Variants in COL5A2 observed in about 807,000 individuals in gnomAD.
COL5A2 encodes the protein collagen alpha-2(V) chain.
Under a neutral mutation model 208.2 loss-of-function variants are expected in COL5A2, and 23 were observed. The observed-to-expected ratio is 0.11, with a 90% CI of 0.08 to 0.16. The LOEUF (loss-of-function observed/expected upper bound fraction) is 0.16. Ranked by LOEUF, COL5A2 falls within the 10% of genes least tolerant of loss-of-function variation. The probability of loss-of-function intolerance (pLI) is 1.00; values close to 1 mark genes in which losing one functional copy is unlikely to be tolerated. For synonymous variants in COL5A2, 625 were observed against 628.5 expected (o/e 0.99, Z 0.08); for missense variants, 1,590 against 1,956.4 (o/e 0.81, Z 3.53).
At chr2:189,374,991 T>C in the COL5A2 span, among the ~76,000 whole-genome samples, 1 of 151,878 alleles carries the variant, frequency 6.6e-6, no homozygotes, top group Non-Finnish European at 1.5e-5. Context: ...CTGAACAAAA[T>C]GTTAAATCGA....
At chr2:189,046,170 T>C (rs1225966875) in intron 45 of COL5A2, among the ~76,000 whole-genome samples, 4 of 152,140 alleles carry the variant, frequency 2.6e-5, no homozygotes, top group Non-Finnish European at 5.9e-5. Flanking sequence ...CATTGGAGTA[T>C]AGGAGTGATC....
chr2:189,384,811 A>T, the COL5A2 span, among the ~76,000 whole-genome samples: 2 of 152,132 alleles, frequency 1.3e-5, no homozygotes, highest in Non-Finnish European at 2.9e-5. Context: ...CTTACTCAAG[A>T]AATCGTTGCA....
chr2:189,408,488 T>G, the COL5A2 span, among the ~76,000 whole-genome samples: 1 of 152,126 alleles, frequency 6.6e-6, no homozygotes, highest in South Asian at 2.1e-4. Context: ...TTAATACTGG[T>G]CTGAAGACCA....
chr2:189,184,974 T>C (rs938148636), intron 1 of COL5A2, among the ~76,000 whole-genome samples: 3 of 152,136 alleles, frequency 2.0e-5, no homozygotes, highest in African/African-American at 7.2e-5. Context: ...CTAAATGCAA[T>C]GAGAAATCAA....
At chr2:189,390,127 A>G in the COL5A2 span, among the ~76,000 whole-genome samples, 2 of 151,748 alleles carry the variant, frequency 1.3e-5, no homozygotes, top group Admixed American at 6.6e-5. Flanking sequence ...AACCTAAAAT[A>G]TGATCAAAAT....
intron 6 of COL5A2, among the ~76,000 whole-genome samples, chr2:189,097,008 A>C (rs987754861): frequency 1.3e-5 from 2 of 152,182 alleles, no homozygotes; most frequent in Non-Finnish European, 2.9e-5. Flanking sequence ...TCAACAGTGC[A>C]TTCTTGGCAT....
chr2:189,180,663 A>G (rs1000716969), upstream of COL5A2, among the ~76,000 whole-genome samples: 12 of 152,238 alleles, frequency 7.9e-5, no homozygotes, highest in Non-Finnish European at 1.8e-4. Flanking sequence ...TAGTGACACT[A>G]AAATGAGTAA....
chr2:189,376,033 C>A, the COL5A2 span, among the ~76,000 whole-genome samples: 2 of 152,266 alleles, frequency 1.3e-5, no homozygotes, highest in South Asian at 4.1e-4. Flanking sequence ...GTAGCTTTTC[C>A]ACAATGTGTG....
intron 1 of COL5A2, among the ~76,000 whole-genome samples, chr2:189,212,301 A>C (rs775122752): frequency 6.6e-6 from 1 of 152,098 alleles, no homozygotes; most frequent in African/African-American, 2.4e-5. Context: ...CAAATGAATG[A>C]AAAAGGCCCA....
the COL5A2 span, among the ~76,000 whole-genome samples, chr2:189,408,404 A>G: frequency 2.6e-5 from 4 of 152,214 alleles, no homozygotes; most frequent in East Asian, 7.7e-4. Flanking sequence ...AAGTACATAC[A>G]TGGCATTAAT....
the COL5A2 span, among the ~76,000 whole-genome samples, chr2:189,262,178 C>A: frequency 1.3e-5 from 2 of 152,012 alleles, no homozygotes; most frequent in African/African-American, 2.4e-5. Context: ...TGATTTCATT[C>A]CTTTAGAGTT....
the COL5A2 span, among the ~76,000 whole-genome samples, chr2:189,423,808 CCTT>C: frequency 1.3e-4 from 20 of 152,130 alleles, no homozygotes; most frequent in African/African-American, 4.6e-4. Flanking sequence ...TAATACCAAT[CCTT>C]CTCAAACTCT....
rs1686192247 is a variant in COL5A2, at chr2:189,068,100, G to T, written c.1316C>A (p.Thr439Asn). 5 of 1,613,692 alleles carry T rather than the reference G, an allele frequency of 3.1e-6. No individual in the cohort carries two copies. Among genetic ancestry groups the T allele is most frequent in the Non-Finnish European group, 4.2e-6 (5 of 1,179,786 alleles). The change falls in exon 21 of 54, where the codon ACC (threonine) becomes AAC (asparagine). Residue 439 changes from threonine (T) to asparagine (N), a missense_variant. Physicochemically the swap from Thr to Asn is moderately conservative, Grantham distance 65 (BLOSUM62 0). Coordinates refer to ENST00000374866, the MANE Select transcript of COL5A2 (RefSeq NM_000393.5). ...CCCTGCTGAGCCAGGAGGACCAGAG[G>T]TACCTGGAGAGCCCTATTAAACAGC... ...GAKGPTGSPG[T>N]SGPPGSAGPP...
intron 23 of COL5A2, among the ~76,000 whole-genome samples, chr2:189,065,302 G>A (rs1686123765): frequency 6.6e-6 from 1 of 152,176 alleles, no homozygotes; most frequent in Non-Finnish European, 1.5e-5. Flanking sequence ...GGCCAAGGCA[G>A]GCAGATCACC....
At chr2:189,238,424 G>A in the COL5A2 span, among the ~76,000 whole-genome samples, 14 of 152,012 alleles carry the variant, frequency 9.2e-5, no homozygotes, top group African/African-American at 3.4e-4. Flanking sequence ...ACTTCCAGTA[G>A]GAAATAAGAT....
At chr2:189,329,430 T>A in the COL5A2 span, among the ~76,000 whole-genome samples, 1 of 152,212 alleles carries the variant, frequency 6.6e-6, no homozygotes, top group African/African-American at 2.4e-5. Context: ...TAGTTAATAA[T>A]AATGTACTGT....
chr2:189,241,219 AT>A, the COL5A2 span, among the ~76,000 whole-genome samples: 3 of 151,822 alleles, frequency 2.0e-5, no homozygotes, highest in South Asian at 4.2e-4. Flanking sequence ...CTTAATTACT[AT>A]TTTTTTTGTA....
the COL5A2 span, among the ~76,000 whole-genome samples, chr2:189,385,586 T>C: frequency 1.3e-5 from 2 of 151,820 alleles, no homozygotes; most frequent in Admixed American, 6.6e-5. Context: ...TCCTATCAAA[T>C]TACCAATGCC....
Position 189,179,643 on chromosome 2 carries a change from A to T in COL5A2, c.-39T>A. ...ACATGTGGGTTCTCCTGAGAGTGAA[A>T]AGTAGATTCTGAGGTTATTGTAGCA... On this transcript the variant is annotated 5_prime_UTR_variant, in exon 1 of 54. Transcript: ENST00000374866. The T allele has an allele frequency of 1.3e-6, 2 of 1,572,458 alleles. No homozygotes were observed. Among genetic ancestry groups the T allele is most frequent in the South Asian group, 2.3e-5 (2 of 86,556 alleles).
Sources: allele counts gnomAD v4.1 joint callset (sites outside exome capture counted in the v4.1 genomes callset), GRCh38; gene constraint gnomAD v4.1.1; transcripts MANE v1.5; gene names NCBI Gene and HGNC (gene_info 2026-07-23, HGNC 2026-07-21).